Variants in DIO2 observed in about 807,000 individuals in gnomAD.
The protein encoded by DIO2 is iodothyronine deiodinase 2.
DIO2 carries 19 observed loss-of-function variants against 21.4 expected under a neutral mutation model. The ratio of observed to expected loss-of-function variants is 0.89; its 90% confidence interval spans 0.62 to 1.30. DIO2 has a LOEUF of 1.30. Among genes scored for constraint, DIO2 ranks in the 50% most tolerant of loss-of-function variants. The probability of loss-of-function intolerance (pLI) is 0.00; values close to 1 mark genes in which losing one functional copy is unlikely to be tolerated. For missense variants in DIO2, 302 were observed against 338.1 expected (o/e 0.89, Z 0.84); for synonymous variants, 122 against 132.9 (o/e 0.92, Z 0.57).
chr14:80,205,539 T>A, intron 1 of DIO2: 1 of 1,152,394 alleles, frequency 8.7e-7, no homozygotes, highest in Non-Finnish European at 1.1e-6. Flanking sequence ...CCTTTCATTA[T>A]GTCTGATTAT....
intron 1 of DIO2, 94 bp downstream of exon 1, chr14:80,211,157 C>T: frequency 4.1e-6 from 5 of 1,227,004 alleles, no homozygotes; most frequent in Non-Finnish European, 5.7e-6. Context: ...GGCTTCACAG[C>T]TCTCCCCCCA....
In DIO2 at chr14:80,202,885, C is replaced by T; in HGVS notation, c.626G>A (p.Arg209Gln). The T allele has an allele frequency of 6.2e-7, 1 of 1,613,940 alleles. No homozygotes were observed. The highest frequency in any genetic ancestry group is 8.5e-7 in the Non-Finnish European group (1 of 1,179,882). Residue 209 changes from arginine (R) to glutamine (Q), a missense_variant, in exon 2 of 2, where the codon CGA becomes CAA. Transcript: ENST00000438257. ...LERFSLPPQCRVVADRMDNNA... is the reference protein window; with the variant it reads ...LERFSLPPQCQVVADRMDNNA... ...ATTGTCCATGCGGTCAGCCACAACTCGGCACTGGGGCGGCAAGGAGAAACG... is the reference window on the plus strand; with the variant it reads ...ATTGTCCATGCGGTCAGCCACAACTTGGCACTGGGGCGGCAAGGAGAAACG...
At chr14:80,209,672 T>A (rs1032449208) in intron 1 of DIO2, among the ~76,000 whole-genome samples, 23 of 152,210 alleles carry the variant, frequency 1.5e-4, no homozygotes, top group Admixed American at 2.0e-4. Context: ...AAATGAGTTT[T>A]TACTGTTAGA....
chr14:80,230,235 A>G (rs551371351), intron 2 of DIO2, among the ~76,000 whole-genome samples: 1 of 152,162 alleles, frequency 6.6e-6, no homozygotes, highest in Non-Finnish European at 1.5e-5. Flanking sequence ...AGGGTCCTCC[A>G]ACACATCCCC....
In DIO2 at chr14:80,200,334, C is replaced by T. The variant is rs116148669; in HGVS notation, c.*2355G>A. The stretch of plus-strand genomic sequence containing the variant: ...AGGGAGAATTGTCTGCACACATAAA[C>T]GACCTCCTTCTTTAAAAATATAGCA... On this transcript the variant is annotated 3_prime_UTR_variant, in exon 2 of 2. Coordinates refer to ENST00000438257, the MANE Select transcript of DIO2 (RefSeq NM_013989.5). The T allele has an allele frequency of 3.9e-5, 6 of 152,734 alleles. No homozygotes were observed. The highest frequency in any genetic ancestry group is 1.4e-4 in the African/African-American group (6 of 41,560). The allele number at this position is 152,734 out of a possible 1,614,324, so 9.5% of individuals were successfully genotyped here.
chr14:80,215,922 G>GAGA (rs1257035315), upstream of DIO2: 7 of 152,270 alleles, frequency 4.6e-5, no homozygotes, highest in African/African-American at 1.7e-4. Flanking sequence ...GTGATGAAAG[G>GAGA]AGAAGCTCAA....
chr14:80,217,484 T>A (rs1309371547), intron 2 of DIO2, among the ~76,000 whole-genome samples: 1 of 152,220 alleles, frequency 6.6e-6, no homozygotes, highest in African/African-American at 2.4e-5. Context: ...TGAATCCTTA[T>A]GCTTTTCTAA....
At chr14:80,220,248 A>G (rs1282201308) in intron 2 of DIO2, among the ~76,000 whole-genome samples, 1 of 152,004 alleles carries the variant, frequency 6.6e-6, no homozygotes, top group Non-Finnish European at 1.5e-5. Context: ...ATTGTTTTTG[A>G]CAGTCCCTAT....
intron 2 of DIO2, among the ~76,000 whole-genome samples, chr14:80,221,476 CT>C (rs1387040605): frequency 2.0e-5 from 3 of 152,092 alleles, no homozygotes; most frequent in Non-Finnish European, 4.4e-5. Flanking sequence ...CAGTCATTTT[CT>C]TTTTTTCACA....
At chr14:80,205,648 A>G in intron 1 of DIO2, 1 of 1,333,354 alleles carries the variant, frequency 7.5e-7, no homozygotes, top group Non-Finnish European at 9.8e-7. Context: ...TCCTTCTTAG[A>G]AACAATGTAT....
intron 2 of DIO2, among the ~76,000 whole-genome samples, chr14:80,220,062 GTGTTTTGTTGT>G (rs1164049507): frequency 6.6e-6 from 1 of 151,676 alleles, no homozygotes; most frequent in East Asian, 1.9e-4. Flanking sequence ...GTGTGTGTGT[GTGTTTTGTTGT>G]TGTTTTGTTT....
chr14:80,203,051 C>T lies in DIO2; in HGVS notation c.460G>A (p.Ala154Thr). The T allele has an allele frequency of 6.2e-7, 1 of 1,613,922 alleles. No individual in the cohort carries two copies. The highest frequency in any genetic ancestry group is 8.5e-7 in the Non-Finnish European group (1 of 1,179,866). ...RKLVEEFSSVADFLLVYIDEA... is the reference protein window; with the variant it reads ...RKLVEEFSSVTDFLLVYIDEA... ...TCAATGTAGACCAGCAGGAAGTCAG[C>T]CACTGAGGAGAACTCTTCCACCAGT... The change falls in exon 2 of 2, where the codon GCT becomes ACT. Residue 154 changes from alanine (A) to threonine (T), a missense_variant. Physicochemically the swap from Ala to Thr is moderately conservative, Grantham distance 58. Coordinates refer to ENST00000438257, the MANE Select transcript of DIO2 (RefSeq NM_013989.5).
At chr14:80,213,219 C>A (rs368089479), upstream of DIO2, among the ~76,000 whole-genome samples, 14 of 152,256 alleles carry the variant, frequency 9.2e-5, no homozygotes, top group East Asian at 1.4e-3. Context: ...AATGGCATGA[C>A]CCCCACTTTA....
At chr14:80,205,843 A>G (rs1594874341) in intron 1 of DIO2, 2 of 555,920 alleles carry the variant, frequency 3.6e-6, no homozygotes, top group Non-Finnish European at 2.6e-6. Context: ...TATTTTATTG[A>G]ATGAATGCTA....
chr14:80,223,564 G>T (rs756634371), intron 2 of DIO2, among the ~76,000 whole-genome samples: 1 of 152,198 alleles, frequency 6.6e-6, no homozygotes, highest in Admixed American at 6.5e-5. Context: ...CAAAAGTTAT[G>T]TTAGGTACAG....
intron 1 of DIO2, among the ~76,000 whole-genome samples, chr14:80,208,379 T>TA (rs942354154): frequency 1.8e-4 from 27 of 149,584 alleles, no homozygotes; most frequent in South Asian, 1.1e-3. Flanking sequence ...AGGGTTTATT[T>TA]AAAAAAAAAA....
chr14:80,199,716 T>C lies in DIO2; in HGVS notation c.*2973A>G, dbSNP rs2139990931. The C allele has an allele frequency of 6.5e-6, 1 of 152,724 alleles. No individual in the cohort carries two copies. The highest frequency in any genetic ancestry group is 1.9e-4 in the East Asian group (1 of 5,188). The allele number at this position is 152,724 out of a possible 1,614,324, so 9.5% of individuals were successfully genotyped here. On this transcript the variant is annotated 3_prime_UTR_variant, in exon 2 of 2. Transcript: ENST00000438257. ...TGTTATGATAATATCTAAAATTTCT[T>C]GGAAACTATTTCAATAATAGACAAG...
intron 2 of DIO2, among the ~76,000 whole-genome samples, chr14:80,224,496 T>C (rs367736249): frequency 1.4e-5 from 2 of 138,380 alleles, no homozygotes; most frequent in African/African-American, 2.6e-5. Context: ...AGAGAGATAC[T>C]ACACACACAC....
intron 1 of DIO2, among the ~76,000 whole-genome samples, chr14:80,205,169 C>T (rs762713446): frequency 6.6e-6 from 1 of 151,972 alleles, no homozygotes; most frequent in East Asian, 1.9e-4. Context: ...TATTATTAAC[C>T]TTTTAAGCCG....
Sources: allele counts gnomAD v4.1 joint callset (sites outside exome capture counted in the v4.1 genomes callset), GRCh38; gene constraint gnomAD v4.1.1; transcripts MANE v1.5; gene names NCBI Gene and HGNC (gene_info 2026-07-23, HGNC 2026-07-21).